The following RSPH10B variants were observed in gnomAD, a reference collection of about 807,000 sequenced individuals.
RSPH10B encodes the protein radial spoke head 10 homolog B.
In RSPH10B, 7 loss-of-function variants were observed where a neutral mutation model predicts 52.5. The observed-to-expected ratio is 0.13, with a 90% CI of 0.08 to 0.25. The LOEUF is 0.25. Ranked by LOEUF, RSPH10B falls within the 10% of genes least tolerant of loss-of-function variation. The probability of loss-of-function intolerance (pLI) is 1.00; values close to 1 mark genes in which losing one functional copy is unlikely to be tolerated. For missense variants in RSPH10B, 89 were observed against 542.5 expected (o/e 0.16, Z 8.30); for synonymous variants, 28 against 193.2 (o/e 0.14, Z 7.09).
intron 17 of RSPH10B, among the ~76,000 whole-genome samples, chr7:5,929,288 T>G (rs1394407921): frequency 7.1e-6 from 1 of 140,512 alleles, no homozygotes; most frequent in Non-Finnish European, 1.5e-5. Flanking sequence ...CAAATGATCC[T>G]CCCACCTCAG....
chr7:5,963,902 C>CAA (rs529339716), intron 3 of RSPH10B, among the ~76,000 whole-genome samples: 236 of 83,142 alleles, frequency 2.8e-3, no homozygotes, highest in South Asian at 0.016. Flanking sequence ...CCTGTCTCTA[C>CAA]AAAAAAAAAA....
At position 5,965,825 on chromosome 7, in the gene RSPH10B, ATATAT is replaced by A. The variant is rs1182121801; in HGVS notation, c.255-118_255-114del. 2.4e-4 allele frequency: 31 copies of A among 127,190 alleles called. No individual in the cohort carries two copies. In the South Asian group the frequency reaches 2.5e-3, roughly 10 times the overall value. The allele number at this position is 127,190 out of a possible 1,614,324, so 7.9% of individuals were successfully genotyped here. ...GAAGAATGAAGTCAGAAAAAAAAAA[ATATAT>A]ATATATATATATACACAGAGCTAGA... On this transcript the variant is annotated intron_variant, in intron 1 of 18. Transcript: ENST00000337579.
At chr7:5,930,858 C>G (rs1779724963) in intron 17 of RSPH10B, among the ~76,000 whole-genome samples, 1 of 49,778 alleles carries the variant, frequency 2.0e-5, no homozygotes, top group Non-Finnish European at 4.0e-5. Flanking sequence ...ACACAGCCCC[C>G]CAAGATGCCT....
At chr7:5,939,930 C>G (rs1281992157) in intron 13 of RSPH10B, among the ~76,000 whole-genome samples, 5 of 89,916 alleles carry the variant, frequency 5.6e-5, no homozygotes, top group Admixed American at 1.3e-4. Context: ...GGCGCGGTGG[C>G]TCACACCTGT....
At chr7:5,970,803 G>GA (rs1203355676), upstream of RSPH10B, 2 of 115,698 alleles carry the variant, frequency 1.7e-5, no homozygotes, top group African/African-American at 3.1e-5. Context: ...AAGGCCGGGG[G>GA]AAAGGCTGGA....
rs1562567124 is a variant in RSPH10B, at chr7:5,942,912, T to TATATATATATATATTTATA, written c.1758+411_1758+412insTATAAATATATATATATAT. ...ATATATTTATTATATATATATTTAT[T>TATATATATATATATTTATA]TATATATATATATATTTTTTTTTAA... On this transcript the variant is annotated intron_variant, in intron 13 of 18. Transcript: ENST00000337579. 4.3e-5 allele frequency among the ~76,000 whole-genome samples: 4 copies of TATATATATATATATTTATA among 93,654 alleles called. 1 individual carries two copies. Among genetic ancestry groups the TATATATATATATATTTATA allele is most frequent in the African/African-American group, 1.4e-4 (4 of 28,308 alleles). 61.4% of individuals were successfully genotyped at this position (93,654 alleles called of 152,430 possible). A position where few individuals can be genotyped will look rare whatever the true frequency, so the allele number is the denominator to read the frequency against.
intron 13 of RSPH10B, among the ~76,000 whole-genome samples, chr7:5,940,069 T>C (rs76963128): frequency 0.26 from 32,873 of 126,248 alleles, 6,022 homozygotes; most frequent in East Asian, 0.59. Flanking sequence ...TGGTGGCGTG[T>C]GCCTGTAGTC....
chr7:5,927,098 ATTTT>A (rs1232040567), intron 18 of RSPH10B, among the ~76,000 whole-genome samples: 3 of 74,574 alleles, frequency 4.0e-5, no homozygotes, highest in Admixed American at 2.7e-4. Flanking sequence ...GTGTGTGTGT[ATTTT>A]TTTTTTTGAG....
chr7:5,927,051 TGTG>T (rs1239102671), intron 18 of RSPH10B, among the ~76,000 whole-genome samples: 1 of 20,090 alleles, frequency 5.0e-5, no homozygotes, highest in Non-Finnish European at 9.7e-5. Context: ...GTGTGTATTA[TGTG>T]TGTGTGTGTG....
At chr7:5,965,822 A>AG (rs748561790) in intron 1 of RSPH10B, 110 bp from the exon 4 acceptor site, 1 of 255,386 alleles carries the variant, frequency 3.9e-6, no homozygotes, top group Non-Finnish European at 6.1e-6. Flanking sequence ...CAGAAAAAAA[A>AG]AAATATATAT....
chr7:5,964,085 CACTA>C (rs544397970), intron 3 of RSPH10B, among the ~76,000 whole-genome samples: 1,544 of 144,600 alleles, frequency 0.011, 8 homozygotes, highest in African/African-American at 0.037. Flanking sequence ...ATCTCAGACT[CACTA>C]ACTAACTAAG....
intron 17 of RSPH10B, among the ~76,000 whole-genome samples, chr7:5,931,426 C>T (rs1452682400): frequency 6.6e-6 from 1 of 151,456 alleles, no homozygotes; most frequent in Admixed American, 6.6e-5. Context: ...TAGAGAGACA[C>T]CGTCAGAAAA....
chr7:5,937,284 G>A (rs1779973449), intron 15 of RSPH10B, among the ~76,000 whole-genome samples: 1 of 142,132 alleles, frequency 7.0e-6, no homozygotes, highest in Non-Finnish European at 1.6e-5. Flanking sequence ...AATTTTAAAA[G>A]GAAAATGGAA....
chr7:5,944,440 A>G (rs926746592), intron 11 of RSPH10B, among the ~76,000 whole-genome samples: 36 of 150,450 alleles, frequency 2.4e-4, no homozygotes, highest in Non-Finnish European at 4.6e-4. Context: ...AAAAAAAGAT[A>G]TAAAACCACT....
At chr7:5,942,183 T>C (rs1313738834) in intron 13 of RSPH10B, among the ~76,000 whole-genome samples, 1 of 145,680 alleles carries the variant, frequency 6.9e-6, no homozygotes, top group Non-Finnish European at 1.5e-5. Context: ...AAGATTTCAG[T>C]TGACTTTATT....
chr7:5,927,058 G>GTATATATATA (rs1562553153), intron 18 of RSPH10B, among the ~76,000 whole-genome samples: 2 of 82,994 alleles, frequency 2.4e-5, no homozygotes, highest in East Asian at 3.7e-4. Context: ...TTATGTGTGT[G>GTATATATATA]TGTGTGTGTA....
intron 17 of RSPH10B, among the ~76,000 whole-genome samples, chr7:5,928,669 T>C (rs1050844259): frequency 2.7e-5 from 4 of 146,282 alleles, no homozygotes; most frequent in African/African-American, 7.7e-5. Context: ...TCTCACTCTG[T>C]CACCCAGGCT....
At chr7:5,932,009 A>G (rs1244354675) in intron 17 of RSPH10B, among the ~76,000 whole-genome samples, 2 of 150,340 alleles carry the variant, frequency 1.3e-5, no homozygotes, top group Non-Finnish European at 3.0e-5. Flanking sequence ...AAAGAAAAGA[A>G]AAGAAAAGGG....
chr7:5,928,736 A>G, intron 17 of RSPH10B, among the ~76,000 whole-genome samples: 1 of 149,270 alleles, frequency 6.7e-6, no homozygotes. Context: ...GGTTCAAGCG[A>G]TTCTCATGCC....
Sources: gnomAD v4.1 joint callset for allele counts (sites outside exome capture counted in the v4.1 genomes callset) on GRCh38, gnomAD v4.1.1 for gene constraint, MANE v1.5 for transcripts, NCBI Gene and HGNC (gene_info 2026-07-23, HGNC 2026-07-21) for gene names.